DNAH3: variants seen among roughly 807,000 people sequenced by gnomAD.
DNAH3 encodes dynein axonemal heavy chain 3.
A neutral mutation model predicts 432.5 loss-of-function variants in DNAH3; 332 were observed. The ratio of observed to expected loss-of-function variants is 0.77; its 90% CI spans 0.70 to 0.84. DNAH3 has a LOEUF of 0.84. Ranked by LOEUF, DNAH3 falls within the 40% of genes least tolerant of loss-of-function variation. The pLI is 0.00. For missense variants in DNAH3, 4,861 were observed against 5,114.0 expected, an observed-to-expected ratio of 0.95 and a Z score of 1.51; for synonymous variants, 1,956 against 1,900.2, an observed-to-expected ratio of 1.03 and a Z score of -0.76.
chr16:20,944,436 C>G, intron 58 of DNAH3, 60 bp downstream of exon 58: 1 of 1,578,644 alleles, frequency 6.3e-7, no homozygotes, highest in Non-Finnish European at 8.7e-7. Context: ...TCCTGTGTGC[C>G]CACTGGATGA....
At position 20,936,633 on chromosome 16, in the gene DNAH3, CCT is replaced by C. The variant is rs1189221968; in HGVS notation, c.11859+14_11859+15del. 2.5e-6 allele frequency: 4 copies of C among 1,576,966 alleles called. No individual in the cohort carries two copies. Among genetic ancestry groups the C allele is most frequent in the African/African-American group, 1.4e-5 (1 of 74,056 alleles). On this transcript the variant is annotated intron_variant, in intron 60 of 61. Coordinates refer to ENST00000261383, the Ensembl canonical transcript of DNAH3. ...CAAGCATGCCAGGTTCCCGGTTACCCCTGACTCCCAGGTACCTGGAAGAAGGT... is the reference window on the plus strand; with the variant it reads ...CAAGCATGCCAGGTTCCCGGTTACCCGACTCCCAGGTACCTGGAAGAAGGT...
At chr16:20,975,740 C>A (rs1049664174) in intron 50 of DNAH3, among the ~76,000 whole-genome samples, 9 of 152,038 alleles carry the variant, frequency 5.9e-5, no homozygotes, top group Non-Finnish European at 1.2e-4. Flanking sequence ...AGAGACAGAG[C>A]AAAAGCAAGT....
At chr16:21,048,046 G>A (rs1271768568) in intron 31 of DNAH3, among the ~76,000 whole-genome samples, 1 of 152,184 alleles carries the variant, frequency 6.6e-6, no homozygotes, top group East Asian at 1.9e-4. Context: ...CAGATCTCCA[G>A]CTGCTTGCTG....
chr16:21,080,125 C>T (rs2091129737), intron 20 of DNAH3, among the ~76,000 whole-genome samples: 1 of 152,152 alleles, frequency 6.6e-6, no homozygotes. Context: ...GGTGAAACCC[C>T]GTCTCTACCA....
At chr16:21,058,110 T>C (rs2090199866) in exon 27 of DNAH3, 5 of 1,611,556 alleles carry the variant, frequency 3.1e-6, no homozygotes, top group Non-Finnish European at 4.2e-6. Context: ...CCGCCAGGGC[T>C]TGGGACACCT....
chr16:21,069,713 T>A, intron 22 of DNAH3, 119 bp from the exon 23 acceptor site: 1 of 882,802 alleles, frequency 1.1e-6, no homozygotes, highest in Non-Finnish European at 1.7e-6. Context: ...GTCACTTGTT[T>A]AACAAATACT....
At chr16:20,985,773 G>A in intron 47 of DNAH3, 58 bp from the exon 48 acceptor site, 2 of 1,552,504 alleles carry the variant, frequency 1.3e-6, no homozygotes, top group Non-Finnish European at 1.8e-6. Flanking sequence ...CAGGCTGGTA[G>A]GGACATCATG....
At chr16:21,152,966 AG>A (rs746746267) in intron 1 of DNAH3, among the ~76,000 whole-genome samples, 1 of 152,170 alleles carries the variant, frequency 6.6e-6, no homozygotes, top group Non-Finnish European at 1.5e-5. Context: ...CGACCACCCA[AG>A]GGCTGAGGAG....
At chr16:20,996,266 TACAC>T (rs753775596) in intron 44 of DNAH3, among the ~76,000 whole-genome samples, 4 of 152,164 alleles carry the variant, frequency 2.6e-5, no homozygotes, top group Non-Finnish European at 4.4e-5. Flanking sequence ...ATATACCATC[TACAC>T]ACACACATAC....
At chr16:21,117,879 C>T (rs899874703) in intron 11 of DNAH3, among the ~76,000 whole-genome samples, 7 of 152,176 alleles carry the variant, frequency 4.6e-5, no homozygotes, top group African/African-American at 1.4e-4. Context: ...TCCCCTACTA[C>T]CCAGTTTTCC....
At chr16:21,054,433 G>A (rs2090063878) in exon 28 of DNAH3, 1 of 1,613,960 alleles carries the variant, frequency 6.2e-7, no homozygotes, top group East Asian at 2.2e-5. Flanking sequence ...GGACATCGAT[G>A]ACCGTGAGGG....
rs3848258 is a variant in DNAH3 at position 20,947,770 on chromosome 16, G to T, written c.11343+713C>A. Among the ~76,000 whole-genome samples the T allele has an allele frequency of 0.011, 1,623 of 151,720 alleles. 53 individuals carry two copies. In the East Asian group the frequency reaches 0.13, roughly 12 times the overall value. On this transcript the variant is annotated intron_variant, in intron 57 of 61. Coordinates refer to ENST00000261383, the Ensembl canonical transcript of DNAH3. ...CACAGGTCATCAATAAAAGTAAGTG[G>T]TTTTTTTTGTTTGTTTGTTTGTTTT...
intron 21 of DNAH3, among the ~76,000 whole-genome samples, chr16:21,074,324 G>T (rs1299481381): frequency 6.6e-6 from 1 of 152,146 alleles, no homozygotes; most frequent in Admixed American, 6.5e-5. Flanking sequence ...AGATGCCCAG[G>T]CATTCTGGGA....
At chr16:20,943,694 G>A (rs1315475074) in intron 58 of DNAH3, among the ~76,000 whole-genome samples, 1 of 152,276 alleles carries the variant, frequency 6.6e-6, no homozygotes, top group South Asian at 2.1e-4. Flanking sequence ...CTTAACAACT[G>A]TTAACGCTGG....
chr16:20,952,120 C>T (rs1359427490), intron 56 of DNAH3, among the ~76,000 whole-genome samples: 1 of 152,084 alleles, frequency 6.6e-6, no homozygotes, highest in East Asian at 1.9e-4. Context: ...TCAGGTGATC[C>T]ACCTGCCGTG....
At chr16:20,988,752 C>T (rs1042531438) in intron 44 of DNAH3, among the ~76,000 whole-genome samples, 5 of 152,238 alleles carry the variant, frequency 3.3e-5, no homozygotes, top group Admixed American at 6.5e-5. Context: ...AATGAAGCCG[C>T]GACCCCTCGC....
chr16:21,003,962 C>A (rs1298328174), intron 41 of DNAH3, among the ~76,000 whole-genome samples: 1 of 152,032 alleles, frequency 6.6e-6, no homozygotes, highest in Middle Eastern at 3.2e-3. Context: ...GAAGGGGACT[C>A]ATTGGACATA....
chr16:21,061,621 T>A (rs1192888910), intron 25 of DNAH3, among the ~76,000 whole-genome samples: 1 of 152,250 alleles, frequency 6.6e-6, no homozygotes, highest in Non-Finnish European at 1.5e-5. Context: ...ATAAATTGCA[T>A]CTTTTAAATG....
At chr16:21,061,211 C>T (rs978810829) in intron 25 of DNAH3, among the ~76,000 whole-genome samples, 1 of 148,040 alleles carries the variant, frequency 6.8e-6, no homozygotes, top group Non-Finnish European at 1.5e-5. Context: ...AAGCATATGC[C>T]TTCTAAAGGG....
Sources: allele counts gnomAD v4.1 joint callset (sites outside exome capture counted in the v4.1 genomes callset), GRCh38; gene constraint gnomAD v4.1.1; transcripts MANE v1.5; gene names NCBI Gene and HGNC (gene_info 2026-07-23, HGNC 2026-07-21).